CDC40: variants seen among roughly 807,000 people sequenced by gnomAD.
The protein encoded by CDC40 is pre-mRNA-processing factor 17.
CDC40 carries 27 observed loss-of-function variants against 80.6 expected under a neutral mutation model. The ratio of observed to expected loss-of-function variants is 0.33; its 90% confidence interval spans 0.25 to 0.46. The LOEUF (loss-of-function observed/expected upper bound fraction) is 0.46. CDC40 is among the 20% of genes least tolerant of loss of function. The pLI is 1.00. For synonymous variants in CDC40, 221 were observed against 232.6 expected (o/e 0.95, Z 0.45); for missense variants, 486 against 694.1 (o/e 0.70, Z 3.37).
chr6:110,184,920 ATC>A (rs1404593522), intron 1 of CDC40, among the ~76,000 whole-genome samples: 10 of 152,232 alleles, frequency 6.6e-5, no homozygotes, highest in Admixed American at 2.6e-4. Context: ...AGATTTTTAT[ATC>A]TCTCAATAAT....
At chr6:110,221,664 G>A (rs1349050699) in intron 12 of CDC40, among the ~76,000 whole-genome samples, 2 of 152,222 alleles carry the variant, frequency 1.3e-5, no homozygotes, top group East Asian at 3.9e-4. Context: ...ACTTTAACAG[G>A]TTGATCATAC....
At chr6:110,197,885 G>C (rs987218480) in intron 2 of CDC40, among the ~76,000 whole-genome samples, 4 of 152,122 alleles carry the variant, frequency 2.6e-5, no homozygotes, top group Non-Finnish European at 4.4e-5. Flanking sequence ...TTGACATGCT[G>C]ATGTCATTTC....
intron 9 of CDC40, among the ~76,000 whole-genome samples, chr6:110,216,505 G>T (rs1001242788): frequency 5.3e-5 from 8 of 152,186 alleles, no homozygotes; most frequent in Admixed American, 1.3e-4. Context: ...GATTTGGTCC[G>T]CATCTGTCTC....
In CDC40 at chr6:110,217,657, T is replaced by C. The variant is rs370003799; in HGVS notation, c.989-45T>C. 1.4e-4 allele frequency: 122 copies of C among 846,312 alleles called. 1 individual carries two copies. The East Asian group carries it at 2.8e-3, about 19-fold the overall frequency. The allele number at this position is 846,312 out of a possible 1,614,324, so 52.4% of individuals were successfully genotyped here. On this transcript the variant is annotated intron_variant, in intron 9 of 14. Transcript: ENST00000307731. ...GTTAATGTTTTAAGAGAAGAAGATA[T>C]ATGATACTTCACCTCATTGCTGTTT...
At chr6:110,200,177 A>G (rs576509466) in intron 2 of CDC40, among the ~76,000 whole-genome samples, 1 of 152,374 alleles carries the variant, frequency 6.6e-6, no homozygotes, top group South Asian at 2.1e-4. Flanking sequence ...TTTTAAACAT[A>G]TAAATGGAAG....
At chr6:110,197,983 A>G (rs973425563) in intron 2 of CDC40, among the ~76,000 whole-genome samples, 2 of 152,220 alleles carry the variant, frequency 1.3e-5, no homozygotes, top group Admixed American at 6.5e-5. Flanking sequence ...ACCATTTTCC[A>G]TAGTGGCTGC....
chr6:110,185,007 G>A (rs1031139526), intron 1 of CDC40, among the ~76,000 whole-genome samples: 6 of 152,102 alleles, frequency 3.9e-5, no homozygotes. Context: ...TGCATCTAAA[G>A]GTCTTAGGGA....
chr6:110,221,911 C>T (rs1373991934), intron 12 of CDC40, among the ~76,000 whole-genome samples: 1 of 146,878 alleles, frequency 6.8e-6, no homozygotes, highest in Non-Finnish European at 1.5e-5. Context: ...AGGAAATACT[C>T]CTAAAAAGTC....
Position 110,186,381 on chromosome 6 carries a change from G to A in CDC40, c.189+5748G>A, listed in dbSNP as rs369159499. The stretch of plus-strand genomic sequence containing the variant: ...GTGTGTGCTTCCCAGCTACTTGGGA[G>A]GCTAAGGTAGGGGGATCGCTGGAGC... On this transcript the variant is annotated intron_variant, in intron 1 of 14. Coordinates refer to ENST00000307731, the MANE Select transcript of CDC40 (RefSeq NM_015891.3). Among the ~76,000 whole-genome samples, 6 of 152,130 alleles carry A rather than the reference G, an allele frequency of 3.9e-5. No individual in the cohort carries two copies. The East Asian group carries it at 7.7e-4, about 20-fold the overall frequency.
intron 1 of CDC40, among the ~76,000 whole-genome samples, chr6:110,186,699 T>C (rs1044421314): frequency 9.2e-5 from 14 of 152,210 alleles, no homozygotes; most frequent in African/African-American, 2.7e-4. Context: ...TTTGACACCT[T>C]TTAAGACCCG....
intron 5 of CDC40, 49 bp downstream of exon 5, chr6:110,209,272 T>G: frequency 2.7e-6 from 4 of 1,500,778 alleles, no homozygotes; most frequent in Non-Finnish European, 3.7e-6. Flanking sequence ...GCTGTATCTC[T>G]ATGAAGGATA....
At chr6:110,220,495 G>A (rs1047677400) in intron 12 of CDC40, among the ~76,000 whole-genome samples, 1 of 136,136 alleles carries the variant, frequency 7.3e-6, no homozygotes, top group Non-Finnish European at 1.5e-5. Context: ...TGCCACCCAG[G>A]CTGCAGTGGC....
chr6:110,224,988 G>A (rs1353990270), intron 12 of CDC40, among the ~76,000 whole-genome samples: 1 of 152,056 alleles, frequency 6.6e-6, no homozygotes, highest in African/African-American at 2.4e-5. Context: ...AATACTTTTG[G>A]TTCATTATAA....
intron 5 of CDC40, among the ~76,000 whole-genome samples, chr6:110,209,784 T>C (rs1366440427): frequency 6.6e-6 from 1 of 152,156 alleles, no homozygotes; most frequent in Non-Finnish European, 1.5e-5. Context: ...CATGACCTCA[T>C]GAAGCTTATA....
intron 1 of CDC40, among the ~76,000 whole-genome samples, chr6:110,187,529 C>G (rs1777290512): frequency 6.6e-6 from 1 of 152,092 alleles, no homozygotes; most frequent in Non-Finnish European, 1.5e-5. Context: ...ATATCTTTAT[C>G]TGAAGTTCTG....
chr6:110,223,373 G>A (rs1457316137), intron 12 of CDC40, among the ~76,000 whole-genome samples: 2 of 152,142 alleles, frequency 1.3e-5, no homozygotes, highest in Non-Finnish European at 2.9e-5. Context: ...TGAGGGGACT[G>A]GTAAGGAGAG....
rs58517986 is a variant in CDC40 at position 110,184,228 on chromosome 6, G to T, written c.189+3595G>T. Among the ~76,000 whole-genome samples, 347 of 152,014 alleles carry T rather than the reference G, an allele frequency of 2.3e-3. 1 individual carries two copies. Among genetic ancestry groups the T allele is most frequent in the African/African-American group, 8.1e-3 (335 of 41,454 alleles). ...GGCAGTTCCCTTGCCCTTTTTTGTT[G>T]GCTCTTCTTGGCCCTGTAATTCTAT... On this transcript the variant is annotated intron_variant, in intron 1 of 14. Transcript: ENST00000307731.
At chr6:110,194,438 G>C (rs1777391991) in intron 2 of CDC40, among the ~76,000 whole-genome samples, 2 of 152,190 alleles carry the variant, frequency 1.3e-5, no homozygotes, top group Non-Finnish European at 2.9e-5. Flanking sequence ...CTAGGTTTCT[G>C]TATTCACTTA....
intron 12 of CDC40, among the ~76,000 whole-genome samples, chr6:110,220,693 C>T (rs576530471): frequency 6.6e-6 from 1 of 152,296 alleles, no homozygotes. Flanking sequence ...GATCCGCCCA[C>T]CTTGGCCTCC....
Sources: allele counts gnomAD v4.1 joint callset (sites outside exome capture counted in the v4.1 genomes callset), GRCh38; gene constraint gnomAD v4.1.1; transcripts MANE v1.5; gene names NCBI Gene and HGNC (gene_info 2026-07-23, HGNC 2026-07-21).